Variants in PDZD4 observed in about 807,000 individuals in gnomAD.
The protein encoded by PDZD4 is PDZ domain-containing protein 4.
In PDZD4, 9 loss-of-function variants were observed where a neutral mutation model predicts 38.5. That is an observed-to-expected ratio of 0.23 (90% CI 0.14 to 0.41). PDZD4 has a LOEUF of 0.41. Ranked by LOEUF, PDZD4 falls within the 10% of genes least tolerant of loss-of-function variation. PDZD4 has a pLI of 1.00. For synonymous variants in PDZD4, 349 were observed against 315.7 expected, an observed-to-expected ratio of 1.11 and a Z score of -1.12; for missense variants, 612 against 722.0, an observed-to-expected ratio of 0.85 and a Z score of 1.75.
intron 1 of PDZD4, 98 bp downstream of exon 1, chrX:153,830,141 G>A: frequency 2.4e-6 from 2 of 824,812 alleles, no homozygotes; most frequent in Non-Finnish European, 3.3e-6. Flanking sequence ...TCCTCCTCGA[G>A]CCCTCCCGCT....
At chrX:153,823,670 A>G (rs1278317927) in intron 1 of PDZD4, among the ~76,000 whole-genome samples, 2 of 112,395 alleles carry the variant, frequency 1.8e-5, no homozygotes, top group Non-Finnish European at 3.8e-5. Context: ...CTTCTTAATG[A>G]CCAACTGAAT....
At chrX:153,815,449 G>C (rs1240594113) in intron 1 of PDZD4, among the ~76,000 whole-genome samples, 2 of 112,439 alleles carry the variant, frequency 1.8e-5, no homozygotes, top group Non-Finnish European at 3.8e-5. Context: ...TTACCCCAGA[G>C]TGTAAAGTGG....
At position 153,804,703 on chromosome X, in the gene PDZD4, G is replaced by T; in HGVS notation, c.978C>A (p.Asp326Glu). 8.3e-7 allele frequency: 1 copy of T among 1,210,420 alleles called. No individual in the cohort carries two copies. The highest frequency in any genetic ancestry group is 1.1e-6 in the Non-Finnish European group (1 of 895,303). The change falls in exon 8 of 8, where the codon GAC becomes GAA. Residue 326 changes from aspartate to glutamate, a missense_variant. This residue lies in a region of PDZD4 where 225 missense variants were observed against 311.0 expected (regional missense o/e 0.72). Transcript: ENST00000393758. ...GSLRKFGLQG[D>E]ALQSRDFHFS... ...AATGGAAGTCCCGGCTCTGCAGGGC[G>T]TCCCCTTGCAGGCCAAACTTGCGCA... is the stretch of plus-strand genomic sequence containing the variant.
In PDZD4 at chrX:153,805,718, T is replaced by C; in HGVS notation, c.568-112A>G. On this transcript the variant is annotated intron_variant, in intron 5 of 7. Coordinates refer to ENST00000393758, the MANE Select transcript of PDZD4 (RefSeq NM_001303512.2). The stretch of plus-strand genomic sequence containing the variant: ...GGGCTCGGCTGGGCTAGGCTGGGGC[T>C]TGAGCTCTGGGAGGATGTAACTAAG... The C allele has an allele frequency of 8.3e-6, 5 of 600,098 alleles. No individual in the cohort carries two copies. In the South Asian group the frequency reaches 1.2e-4, roughly 15 times the overall value. 49.5% of individuals were successfully genotyped at this position (600,098 alleles called of 1,213,427 possible). A position where few individuals can be genotyped will look rare whatever the true frequency, so the allele number is the denominator to read the frequency against.
At chrX:153,829,836 G>A (rs1055422273) in intron 1 of PDZD4, 12 of 769,842 alleles carry the variant, frequency 1.6e-5, no homozygotes, top group Non-Finnish European at 1.8e-5. Flanking sequence ...CCGCGCCCGG[G>A]GACGCCCACG....
chrX:153,806,860 A>G lies in PDZD4; in HGVS notation c.406-20T>C. The G allele has an allele frequency of 1.7e-6, 2 of 1,169,508 alleles. No homozygotes were observed. The highest frequency in any genetic ancestry group is 2.3e-6 in the Non-Finnish European group (2 of 858,061). ...CACCTCCTGCCACGAGGGGTCCGGGAGGAAGCAGAGGTAGAAAGCCCCAGA... is the reference window on the plus strand; with the variant it reads ...CACCTCCTGCCACGAGGGGTCCGGGGGGAAGCAGAGGTAGAAAGCCCCAGA... On this transcript the variant is annotated intron_variant, in intron 3 of 7. Transcript: ENST00000393758.
chrX:153,815,412 C>G (rs993981552), intron 1 of PDZD4, among the ~76,000 whole-genome samples: 1 of 112,087 alleles, frequency 8.9e-6, no homozygotes, highest in South Asian at 3.7e-4. Flanking sequence ...ACCCCATCAC[C>G]CTTTCTAGAC....
rs2064530602 is a variant in PDZD4 at position 153,830,381 on chromosome X, G to T, written c.-83C>A. ...CCGGGCGCGGGACCTCGGGTCCCGGGCCGGGGCCAGGGGCCATACCCTGGC... is the reference window on the plus strand; with the variant it reads ...CCGGGCGCGGGACCTCGGGTCCCGGTCCGGGGCCAGGGGCCATACCCTGGC... On this transcript the variant is annotated 5_prime_UTR_variant, in exon 1 of 8. Transcript: ENST00000393758. 4.2e-6 allele frequency: 4 copies of T among 956,782 alleles called. No homozygotes were observed. The highest frequency in any genetic ancestry group is 2.4e-5 in the Admixed American group (1 of 42,225). The allele number at this position is 956,782 out of a possible 1,213,427, so 78.8% of individuals were successfully genotyped here. A position where few individuals can be genotyped will look rare whatever the true frequency, so the allele number is the denominator to read the frequency against.
At chrX:153,811,749 G>A (rs7049293) in intron 1 of PDZD4, among the ~76,000 whole-genome samples, 47,260 of 111,246 alleles carry the variant, frequency 0.42, 7,727 homozygotes, top group East Asian at 0.82. Flanking sequence ...TTGGAAGACC[G>A]TAAGAATGTC....
rs782424665 is a variant in PDZD4, at chrX:153,830,266, C to T, written c.33G>A (p.Pro11=). 1 of 1,204,018 alleles carries T rather than the reference C, an allele frequency of 8.3e-7. No individual in the cohort carries two copies. Among genetic ancestry groups the T allele is most frequent in the South Asian group, 1.8e-5 (1 of 56,237 alleles). The change falls in exon 1 of 8, where the codon CCG becomes CCA. Residue 11 remains proline, a synonymous_variant. Coordinates refer to ENST00000393758, the MANE Select transcript of PDZD4 (RefSeq NM_001303512.2). ...GCAGCATCACTTTGTACTGCTCCTC[C>T]GGTTTCTGGACCACGCACATATTAC... is the stretch of plus-strand genomic sequence containing the variant. The part of the protein sequence containing the change: MGCNMCVVQK[P]EEQYKVMLQV...
At position 153,804,591 on chromosome X, in the gene PDZD4, G is replaced by T. The variant is rs782194435; in HGVS notation, c.1090C>A (p.Arg364Ser). 1.7e-6 allele frequency: 2 copies of T among 1,209,705 alleles called. No individual in the cohort carries two copies. Among genetic ancestry groups the T allele is most frequent in the Non-Finnish European group, 2.2e-6 (2 of 895,443 alleles). ...TGGCACTTGATCTCCAGGAGCTCACGGTAGCGCTCATACTCCTCATCCGTG... is the reference window on the plus strand; with the variant it reads ...TGGCACTTGATCTCCAGGAGCTCACTGTAGCGCTCATACTCCTCATCCGTG... ...GLTDEEYERY[R>S]ELLEIKCHLE... The change falls in exon 8 of 8, where the codon CGT becomes AGT. Residue 364 changes from arginine to serine, a missense_variant. By Grantham distance (110) the Arg-to-Ser change is moderately radical. Around this residue, in one of 3 missense-constraint regions of PDZD4, gnomAD observed 300 missense variants for 284.6 expected, o/e 1.05. Transcript: ENST00000393758.
chrX:153,808,107 C>G, intron 2 of PDZD4: 6 of 1,067,280 alleles, frequency 5.6e-6, no homozygotes, highest in Non-Finnish European at 7.3e-6. Flanking sequence ...CTTCCGGCAG[C>G]GACGTCCCGG....
intron 7 of PDZD4, 36 bp downstream of exon 7, chrX:153,805,061 C>G (rs2092207226): frequency 8.5e-7 from 1 of 1,181,730 alleles, no homozygotes; most frequent in Admixed American, 2.2e-5. Context: ...TTCTCTCCTC[C>G]TCGCCCTCCC....
intron 4 of PDZD4, among the ~76,000 whole-genome samples, chrX:153,806,504 A>G (rs1442435633): frequency 8.9e-6 from 1 of 112,819 alleles, no homozygotes; most frequent in Non-Finnish European, 1.9e-5. Context: ...AGAAGGCTAG[A>G]CAGCAACCCT....
Position 153,803,401 on chromosome X carries a change from G to T in PDZD4, c.2280C>A (p.Ala760=). 8.8e-7 allele frequency: 1 copy of T among 1,142,031 alleles called. No individual in the cohort carries two copies. Among genetic ancestry groups the T allele is most frequent in the South Asian group, 2.1e-5 (1 of 47,194 alleles). 94.1% of individuals were successfully genotyped at this position (1,142,031 alleles called of 1,213,427 possible). ...QEMLAHGARS[A]DGKRVYNPLL... ...GAGGGTTGTAGACCCGCTTGCCATCGGCGGAGCGCGCGCCGTGGGCCAGCA... is the reference window on the plus strand; with the variant it reads ...GAGGGTTGTAGACCCGCTTGCCATCTGCGGAGCGCGCGCCGTGGGCCAGCA... Residue 760 remains alanine, a synonymous_variant, in exon 8 of 8, where the codon GCC becomes GCA. Coordinates refer to ENST00000393758, the MANE Select transcript of PDZD4 (RefSeq NM_001303512.2).
rs1557083477 is a variant in PDZD4 at position 153,830,228 on chromosome X, G to A, written c.60+11C>T. 4.2e-6 allele frequency: 5 copies of A among 1,191,179 alleles called. No homozygotes were observed. Among genetic ancestry groups the A allele is most frequent in the Non-Finnish European group, 5.6e-6 (5 of 885,050 alleles). ...AGGGCCGCGCCCCCGCCGCAGCGCCGGCGGCCCTACCTGCAGCATCACTTT... is the reference window on the plus strand; with the variant it reads ...AGGGCCGCGCCCCCGCCGCAGCGCCAGCGGCCCTACCTGCAGCATCACTTT... On this transcript the variant is annotated intron_variant, in intron 1 of 7. Transcript: ENST00000393758.
intron 3 of PDZD4, 106 bp from the exon 4 acceptor site, chrX:153,806,946 C>T (rs1449319128): frequency 1.0e-5 from 7 of 671,674 alleles, no homozygotes; most frequent in East Asian, 3.5e-5. Flanking sequence ...CCCCTCAGCC[C>T]GCAGCCCCTC....
intron 1 of PDZD4, among the ~76,000 whole-genome samples, chrX:153,812,799 G>A (rs185839862): frequency 1.1e-3 from 117 of 110,680 alleles, no homozygotes; most frequent in African/African-American, 3.4e-3. Flanking sequence ...TTCCAGTCCT[G>A]CTCAGAGCCT....
chrX:153,804,574 G>T lies in PDZD4; in HGVS notation c.1107C>A (p.Ile369=), dbSNP rs147334518. Residue 369 remains isoleucine, a synonymous_variant, in exon 8 of 8, where the codon ATC becomes ATA. Transcript: ENST00000393758. ...GGTTGCCGTTCTCCAGGTGGCACTT[G>T]ATCTCCAGGAGCTCACGGTAGCGCT... ...EYERYRELLE[I]KCHLENGNQL... 8.3e-7 allele frequency: 1 copy of T among 1,209,752 alleles called. No individual in the cohort carries two copies.
Sources: gnomAD v4.1 joint callset for allele counts (sites outside exome capture counted in the v4.1 genomes callset) on GRCh38, gnomAD v4.1.1 for gene constraint, gnomAD v4.1.1 regional missense constraint, MANE v1.5 for transcripts, NCBI Gene and HGNC (gene_info 2026-07-23, HGNC 2026-07-21) for gene names.